BTBD10: variants seen among roughly 807,000 people sequenced by gnomAD.
BTBD10 encodes the protein BTB domain containing 10, also known as BTB/POZ domain-containing protein 10.
BTBD10 carries 21 observed loss-of-function variants against 53.2 expected under a neutral mutation model. The ratio of observed to expected loss-of-function variants is 0.39; its 90% confidence interval spans 0.28 to 0.57. BTBD10 has a LOEUF of 0.57. Among genes scored for constraint, BTBD10 ranks in the 20% least tolerant of loss-of-function variants. BTBD10 has a pLI of 0.53. For missense variants in BTBD10, 360 were observed against 594.7 expected (o/e 0.61, Z 4.10); for synonymous variants, 149 against 192.7 (o/e 0.77, Z 1.88).
intron 1 of BTBD10, among the ~76,000 whole-genome samples, chr11:13,462,450 GA>G (rs1448381616): frequency 6.6e-6 from 1 of 152,156 alleles, no homozygotes; most frequent in African/African-American, 2.4e-5. Context: ...GGAGAAGCAG[GA>G]AATCTGTGAG....
At chr11:13,396,882 G>A (rs950284604) in intron 8 of BTBD10, among the ~76,000 whole-genome samples, 1 of 152,116 alleles carries the variant, frequency 6.6e-6, no homozygotes, top group Non-Finnish European at 1.5e-5. Flanking sequence ...TGCATCCCAG[G>A]GATGAAGCCC....
intron 2 of BTBD10, among the ~76,000 whole-genome samples, chr11:13,444,213 T>C (rs750830300): frequency 4.6e-5 from 7 of 151,722 alleles, no homozygotes; most frequent in Admixed American, 1.3e-4. Context: ...GATTTCATTA[T>C]CACAATATTA....
chr11:13,441,008 C>A (rs1950638309), intron 2 of BTBD10, among the ~76,000 whole-genome samples: 1 of 152,128 alleles, frequency 6.6e-6, no homozygotes, highest in African/African-American at 2.4e-5. Context: ...CCAAACTGTT[C>A]TATATGGATA....
intron 2 of BTBD10, among the ~76,000 whole-genome samples, chr11:13,434,108 G>A (rs2134005167): frequency 6.6e-6 from 1 of 152,170 alleles, no homozygotes; most frequent in South Asian, 2.1e-4. Context: ...CCCCCACAAA[G>A]ACAACTTCAG....
chr11:13,450,365 TCA>T (rs1189331709), intron 1 of BTBD10, among the ~76,000 whole-genome samples: 2 of 152,114 alleles, frequency 1.3e-5, no homozygotes, highest in Non-Finnish European at 2.9e-5. Flanking sequence ...ACCTGAATGT[TCA>T]CAAAGTTAAT....
intron 2 of BTBD10, among the ~76,000 whole-genome samples, chr11:13,426,632 A>G (rs1038861251): frequency 2.0e-5 from 3 of 152,218 alleles, no homozygotes; most frequent in Admixed American, 6.5e-5. Flanking sequence ...AAGAAACAGT[A>G]TAACATCACT....
chr11:13,422,825 C>A (rs1454460830), intron 2 of BTBD10, among the ~76,000 whole-genome samples: 10 of 152,140 alleles, frequency 6.6e-5, no homozygotes, highest in African/African-American at 2.2e-4. Flanking sequence ...TATTTTAACA[C>A]AATTATGTAT....
chr11:13,459,058 ATTTTT>A (rs199960942), intron 1 of BTBD10, among the ~76,000 whole-genome samples: 1 of 135,344 alleles, frequency 7.4e-6, no homozygotes, highest in Admixed American at 7.8e-5. Context: ...TTATTTATTT[ATTTTT>A]TTTTTTTTTT....
At chr11:13,431,614 T>A (rs1950449318) in intron 2 of BTBD10, among the ~76,000 whole-genome samples, 2 of 152,330 alleles carry the variant, frequency 1.3e-5, no homozygotes, top group South Asian at 4.1e-4. Context: ...GTAAAGTTTC[T>A]AAAAACTTTT....
At chr11:13,413,766 T>G in intron 5 of BTBD10, 116 bp from the exon 6 acceptor site, 1 of 979,398 alleles carries the variant, frequency 1.0e-6, no homozygotes, top group Non-Finnish European at 1.4e-6. Context: ...CTGACATCTC[T>G]GAAATGTGGA....
At chr11:13,435,391 A>T (rs945953198) in intron 2 of BTBD10, among the ~76,000 whole-genome samples, 2 of 152,226 alleles carry the variant, frequency 1.3e-5, no homozygotes, top group African/African-American at 4.8e-5. Flanking sequence ...GCTTTTAAAA[A>T]ATATAATTTT....
intron 1 of BTBD10, among the ~76,000 whole-genome samples, chr11:13,446,610 T>G (rs1289760120): frequency 6.6e-6 from 1 of 152,162 alleles, no homozygotes; most frequent in Non-Finnish European, 1.5e-5. Flanking sequence ...CCTTTGAATC[T>G]ATGACTGATG....
intron 6 of BTBD10, among the ~76,000 whole-genome samples, chr11:13,409,226 T>C (rs1320580812): frequency 1.3e-5 from 2 of 152,192 alleles, no homozygotes; most frequent in Admixed American, 6.5e-5. Context: ...ACTAGCAACC[T>C]CTGCTTGGAA....
chr11:13,413,396 T>G lies in BTBD10; in HGVS notation c.808+134A>C, dbSNP rs9667322. 3,180 of 642,942 alleles carry G rather than the reference T, an allele frequency of 4.9e-3. 74 individuals carry two copies. The African/African-American group carries it at 0.053, about 11-fold the overall frequency. The allele number at this position is 642,942 out of a possible 1,614,324, so 39.8% of individuals were successfully genotyped here. On this transcript the variant is annotated intron_variant, in intron 6 of 8. Transcript: ENST00000278174. ...TCTTTGCAAGCTTTCATTAATAATC[T>G]TTGTGGTACTAGAATGCTTTATAAT...
chr11:13,413,424 A>T, intron 6 of BTBD10, 106 bp downstream of exon 6: 1 of 970,350 alleles, frequency 1.0e-6, no homozygotes, highest in Non-Finnish European at 1.4e-6. Context: ...TTTATAATTG[A>T]ATTAAATACT....
chr11:13,458,993 C>G (rs1411135995), intron 1 of BTBD10, among the ~76,000 whole-genome samples: 1 of 151,510 alleles, frequency 6.6e-6, no homozygotes, highest in Non-Finnish European at 1.5e-5. Context: ...AATTTTGTAC[C>G]TAAGATTCTC....
intron 6 of BTBD10, among the ~76,000 whole-genome samples, chr11:13,413,085 A>G (rs965189572): frequency 3.8e-4 from 58 of 152,152 alleles, no homozygotes; most frequent in African/African-American, 1.4e-3. Flanking sequence ...TCAATCTAGG[A>G]TCTTTAATGA....
intron 2 of BTBD10, among the ~76,000 whole-genome samples, chr11:13,432,870 A>T (rs574670729): frequency 4.6e-5 from 7 of 152,140 alleles, no homozygotes; most frequent in Non-Finnish European, 1.0e-4. Flanking sequence ...CATTCAATTA[A>T]TATCTGTTCT....
At chr11:13,392,976 C>G (rs1410565184) in intron 8 of BTBD10, among the ~76,000 whole-genome samples, 1 of 152,178 alleles carries the variant, frequency 6.6e-6, no homozygotes, top group Admixed American at 6.5e-5. Flanking sequence ...TAGTCCTAAA[C>G]TGCCTTAAGA....
Sources: gnomAD v4.1 joint callset for allele counts (sites outside exome capture counted in the v4.1 genomes callset) on GRCh38, gnomAD v4.1.1 for gene constraint, MANE v1.5 for transcripts, NCBI Gene and HGNC (gene_info 2026-07-23, HGNC 2026-07-21) for gene names.